Variants in POTEF observed in about 807,000 individuals in gnomAD.
POTEF encodes ANKRD26-like family C member 1B.
Under a neutral mutation model 83.2 loss-of-function variants are expected in POTEF, and 20 were observed. The ratio of observed to expected loss-of-function variants is 0.24; its 90% CI spans 0.17 to 0.35. The LOEUF (loss-of-function observed/expected upper bound fraction) is 0.35. Ranked by LOEUF, POTEF falls within the 10% of genes least tolerant of loss-of-function variation. POTEF has a pLI of 1.00. For synonymous variants in POTEF, 196 were observed against 446.4 expected, an observed-to-expected ratio of 0.44 and a Z score of 7.07; for missense variants, 550 against 1,203.2, an observed-to-expected ratio of 0.46 and a Z score of 8.03.
Position 130,075,948 on chromosome 2 carries a change from A to G in POTEF, c.1900-376T>C, listed in dbSNP as rs577252304. Among the ~76,000 whole-genome samples the G allele has an allele frequency of 6.1e-4, 91 of 148,964 alleles. No homozygotes were observed. The South Asian group carries it at 7.1e-3, about 12-fold the overall frequency. ...AAAATATAAGATTAATAATTTGACT[A>G]CATTTTTAAGATTAGGTTTACACTC... On this transcript the variant is annotated intron_variant, in intron 16 of 16. Transcript: ENST00000409914.
intron 2 of POTEF, among the ~76,000 whole-genome samples, chr2:130,122,127 T>A (rs1188149254): frequency 6.8e-6 from 1 of 146,430 alleles, no homozygotes; most frequent in Non-Finnish European, 1.5e-5. Context: ...TCAATGTTCA[T>A]CCTTTTTGGA....
chr2:130,098,574 T>C (rs1684311519), intron 11 of POTEF, among the ~76,000 whole-genome samples: 2 of 144,850 alleles, frequency 1.4e-5, no homozygotes, highest in Non-Finnish European at 3.0e-5. Context: ...ACACTTTAAT[T>C]GTGAAATAAT....
chr2:130,109,066 CAT>C (rs1232174711), intron 7 of POTEF: 1 of 151,302 alleles, frequency 6.6e-6, no homozygotes, highest in Non-Finnish European at 1.5e-5. Flanking sequence ...AAAGTCATCT[CAT>C]AGACCATCTT....
intron 3 of POTEF, among the ~76,000 whole-genome samples, chr2:130,118,269 A>G (rs1220644544): frequency 2.0e-5 from 3 of 151,848 alleles, no homozygotes; most frequent in South Asian, 2.1e-4. Flanking sequence ...TAAATAGAAA[A>G]CAGTATTTCA....
rs1684975901 is a variant in POTEF at position 130,120,619 on chromosome 2, A to G, written c.-93-11T>C. ...CTCCGGGTTTCCAATCTGTTTGAAG[A>G]GAAAAGTCAATCCCAGCCAAAACCT... On this transcript the variant is annotated splice_polypyrimidine_tract_variant and intron_variant, in intron 2 of 16. Transcript: ENST00000409914. 6.3e-7 allele frequency: 1 copy of G among 1,583,370 alleles called. No individual in the cohort carries two copies. Among genetic ancestry groups the G allele is most frequent in the South Asian group, 1.2e-5 (1 of 84,930 alleles).
chr2:130,125,472 C>T (rs199745859), intron 2 of POTEF, among the ~76,000 whole-genome samples: 5,391 of 149,074 alleles, frequency 0.036, 222 homozygotes, highest in East Asian at 0.17. Flanking sequence ...AAAAATGATA[C>T]AATATAGATT....
intron 3 of POTEF, among the ~76,000 whole-genome samples, chr2:130,118,438 T>G (rs1684900523): frequency 6.9e-6 from 1 of 144,206 alleles, no homozygotes; most frequent in South Asian, 2.2e-4. Flanking sequence ...GGCTCACGCC[T>G]GTAACCCCAG....
intron 2 of POTEF, among the ~76,000 whole-genome samples, chr2:130,123,769 G>A (rs929778594): frequency 6.1e-5 from 9 of 147,720 alleles, no homozygotes; most frequent in African/African-American, 2.3e-4. Context: ...AATATATTGT[G>A]ACACATTATA....
chr2:130,114,126 T>C (rs915452160), intron 5 of POTEF, among the ~76,000 whole-genome samples: 10 of 151,184 alleles, frequency 6.6e-5, no homozygotes, highest in African/African-American at 2.4e-4. Flanking sequence ...TCCTCTTACA[T>C]TACCACCTAT....
intron 8 of POTEF, chr2:130,107,614 C>G (rs1684577792): frequency 3.8e-6 from 1 of 260,334 alleles, no homozygotes; most frequent in African/African-American, 2.4e-5. Context: ...TGCCTCCAGT[C>G]AGATCAGTGA....
At position 130,120,512 on chromosome 2, in the gene POTEF, C is replaced by T. The variant is rs1684972835; in HGVS notation, c.4G>A (p.Val2Met). The T allele has an allele frequency of 6.8e-6, 11 of 1,612,858 alleles. No individual in the cohort carries two copies. The highest frequency in any genetic ancestry group is 9.3e-6 in the Non-Finnish European group (11 of 1,179,820). M[V>M]VEVDSMPAAS... ...GCCGGCATGGAATCAACCTCAACCA[C>T]CATCTGCTTTTAACAGCCAGGAGAA... The change falls in exon 3 of 17, where the codon GTG becomes ATG. Residue 2 changes from valine (V) to methionine (M), a missense_variant. Physicochemically the swap from Val to Met is conservative, Grantham distance 21. Transcript: ENST00000409914.
chr2:130,116,331 G>T (rs1335633900), intron 3 of POTEF, among the ~76,000 whole-genome samples: 2 of 150,506 alleles, frequency 1.3e-5, no homozygotes, highest in South Asian at 2.1e-4. Flanking sequence ...TTTATGAAAC[G>T]ATTTGTGGAG....
chr2:130,121,959 C>A (rs188774876), intron 2 of POTEF, among the ~76,000 whole-genome samples: 2,447 of 150,888 alleles, frequency 0.016, 95 homozygotes, highest in African/African-American at 0.057. Context: ...CTATTTTCCC[C>A]ATTCTTCCTT....
At chr2:130,120,948 G>A (rs1684986980) in intron 2 of POTEF, 1 of 286,922 alleles carries the variant, frequency 3.5e-6, no homozygotes, top group African/African-American at 2.3e-5. Context: ...GGCCAGCCAA[G>A]CCGTTAAAGC....
intron 2 of POTEF, among the ~76,000 whole-genome samples, chr2:130,123,643 A>C (rs1442380059): frequency 2.3e-4 from 35 of 151,826 alleles, no homozygotes; most frequent in East Asian, 1.2e-3. Context: ...AAAAAGGAAT[A>C]AAAAACATAT....
chr2:130,115,705 A>G (rs1178322701), intron 3 of POTEF, among the ~76,000 whole-genome samples: 2 of 152,356 alleles, frequency 1.3e-5, no homozygotes. Context: ...GACTCTGCAC[A>G]AAAGATATAG....
chr2:130,123,272 G>T (rs577950320), intron 2 of POTEF, among the ~76,000 whole-genome samples: 1 of 147,020 alleles, frequency 6.8e-6, no homozygotes, highest in Non-Finnish European at 1.5e-5. Context: ...GTGGTCTCTC[G>T]GAACAAATCC....
intron 3 of POTEF, 146 bp from the exon 4 acceptor site, chr2:130,115,474 A>G (rs1684823504): frequency 1.8e-6 from 2 of 1,086,748 alleles, no homozygotes; most frequent in East Asian, 2.6e-5. Flanking sequence ...AAAGCACACT[A>G]TTTATTATCT....
chr2:130,075,083 C>T lies in POTEF; in HGVS notation c.2389G>A (p.Ala797Thr). 1 of 1,613,784 alleles carries T rather than the reference C, an allele frequency of 6.2e-7. No individual in the cohort carries two copies. Among genetic ancestry groups the T allele is most frequent in the Non-Finnish European group, 8.5e-7 (1 of 1,179,972 alleles). The change falls in exon 17 of 17, where the codon GCT (alanine) becomes ACT (threonine). Residue 797 changes from alanine (A) to threonine (T), a missense_variant. Coordinates refer to ENST00000409914, the MANE Select transcript of POTEF (RefSeq NM_001099771.2). ...AGCAGGACGGGGTGCTCCTCGGGAGCCACACGCAGCTCGTTGTAGAAGGTG... is the reference window on the plus strand; with the variant it reads ...AGCAGGACGGGGTGCTCCTCGGGAGTCACACGCAGCTCGTTGTAGAAGGTG... Reference protein sequence around the residue: ...HHTFYNELRVAPEEHPVLLTE... With the variant: ...HHTFYNELRVTPEEHPVLLTE...
Sources: allele counts gnomAD v4.1 joint callset (sites outside exome capture counted in the v4.1 genomes callset), GRCh38; gene constraint gnomAD v4.1.1; transcripts MANE v1.5; gene names NCBI Gene and HGNC (gene_info 2026-07-23, HGNC 2026-07-21).